UPRT: variants seen among roughly 807,000 people sequenced by gnomAD.
UPRT encodes the protein uracil phosphoribosyltransferase homolog.
Under a neutral mutation model 22.6 loss-of-function variants are expected in UPRT, and 5 were observed. The ratio of observed to expected loss-of-function variants is 0.22; its 90% CI spans 0.12 to 0.47. The LOEUF (loss-of-function observed/expected upper bound fraction) is 0.47, where lower values mean the gene tolerates loss of function less well. Among genes scored for constraint, UPRT ranks in the 20% least tolerant of loss-of-function variants. UPRT has a pLI of 0.99. For missense variants in UPRT, 181 were observed against 239.9 expected (o/e 0.75, Z 1.62); for synonymous variants, 77 against 87.7 (o/e 0.88, Z 0.68).
chrX:75,200,606 ATTC>A (rs1352163804), intron 4 of UPRT, among the ~76,000 whole-genome samples: 1 of 111,696 alleles, frequency 9.0e-6, no homozygotes, highest in Non-Finnish European at 1.9e-5. Flanking sequence ...AAAGAAAATT[ATTC>A]TTTATAAACA....
At chrX:75,217,545 T>G (rs1304624880) in intron 4 of UPRT, among the ~76,000 whole-genome samples, 2 of 111,949 alleles carry the variant, frequency 1.8e-5, no homozygotes, top group East Asian at 2.8e-4. Flanking sequence ...AGATTCCTAG[T>G]TATTTTATTC....
chrX:75,188,828 A>G (rs1484209937), intron 4 of UPRT, among the ~76,000 whole-genome samples: 4 of 111,200 alleles, frequency 3.6e-5, no homozygotes, highest in Admixed American at 9.5e-5. Context: ...AGGAAAGGGA[A>G]CTCCCTGACC....
intron 4 of UPRT, among the ~76,000 whole-genome samples, chrX:75,247,576 C>T (rs1192930250): frequency 5.3e-5 from 6 of 112,322 alleles, no homozygotes; most frequent in South Asian, 3.7e-4. Context: ...TAAACAAAGC[C>T]GCCAAGCTCG....
exon 2 of UPRT, among the ~76,000 whole-genome samples, chrX:75,160,570 C>T (rs2082196135): frequency 8.9e-6 from 1 of 112,052 alleles, no homozygotes; most frequent in South Asian, 3.7e-4. Context: ...TCGCTCTTGT[C>T]ACTCAGGCTG....
At chrX:75,250,433 C>A (rs946681904) in intron 4 of UPRT, among the ~76,000 whole-genome samples, 1 of 111,513 alleles carries the variant, frequency 9.0e-6, no homozygotes, top group Non-Finnish European at 1.9e-5. Context: ...CTATAAACAC[C>A]TCTATGCAAA....
intron 4 of UPRT, among the ~76,000 whole-genome samples, chrX:75,234,382 C>A (rs1470937110): frequency 9.0e-6 from 1 of 110,948 alleles, no homozygotes; most frequent in Non-Finnish European, 1.9e-5. Flanking sequence ...ATCAATGAGA[C>A]AGAAAGTCAA....
intron 4 of UPRT, among the ~76,000 whole-genome samples, chrX:75,212,209 A>G (rs1393131334): frequency 8.9e-6 from 1 of 112,497 alleles, no homozygotes; most frequent in Non-Finnish European, 1.9e-5. Flanking sequence ...AGAACTCTTT[A>G]TCCAAAAACC....
At chrX:75,255,307 G>C (rs1389428053) in intron 4 of UPRT, among the ~76,000 whole-genome samples, 1 of 111,606 alleles carries the variant, frequency 9.0e-6, no homozygotes, top group East Asian at 2.8e-4. Context: ...AATAAATGCT[G>C]AGAGAATTCA....
intron 4 of UPRT, chrX:75,202,711 T>A (rs1331280750): frequency 8.9e-6 from 1 of 111,794 alleles, no homozygotes; most frequent in Non-Finnish European, 1.9e-5. Flanking sequence ...AAGTGGTCAC[T>A]TTGGCAGCAC....
chrX:75,166,924 C>A (rs750228428), intron 3 of UPRT, among the ~76,000 whole-genome samples: 1 of 112,102 alleles, frequency 8.9e-6, no homozygotes, highest in Non-Finnish European at 1.9e-5. Flanking sequence ...ATGTAGTATT[C>A]CATTGCATGA....
intron 4 of UPRT, among the ~76,000 whole-genome samples, chrX:75,203,023 G>C (rs2082351423): frequency 9.0e-6 from 1 of 111,508 alleles, no homozygotes; most frequent in East Asian, 2.8e-4. Context: ...AAAAAGTCAA[G>C]ACCCATCAGT....
At chrX:75,247,555 G>T (rs1602471941) in intron 4 of UPRT, among the ~76,000 whole-genome samples, 1 of 112,273 alleles carries the variant, frequency 8.9e-6, no homozygotes, top group African/African-American at 3.2e-5. Flanking sequence ...TATTGCCGAG[G>T]CTTGACTAGG....
At chrX:75,191,402 C>T (rs1379955898) in intron 4 of UPRT, among the ~76,000 whole-genome samples, 1 of 111,883 alleles carries the variant, frequency 8.9e-6, no homozygotes, top group African/African-American at 3.2e-5. Context: ...GGGGTGCTTC[C>T]CAGTTAGGCT....
At chrX:75,225,769 T>C (rs1569269006) in intron 4 of UPRT, among the ~76,000 whole-genome samples, 1 of 111,847 alleles carries the variant, frequency 8.9e-6, no homozygotes, top group Non-Finnish European at 1.9e-5. Flanking sequence ...CAGAGGTCTT[T>C]GAACCTCTTC....
chrX:75,222,133 G>A (rs1374090564), intron 4 of UPRT, among the ~76,000 whole-genome samples: 1 of 112,008 alleles, frequency 8.9e-6, no homozygotes, highest in Admixed American at 9.4e-5. Flanking sequence ...GAATTTTCTG[G>A]TTTACCAGGC....
rs925479096 is a variant in UPRT, at chrX:75,182,827, T to C, written c.-447+14948T>C. Among the ~76,000 whole-genome samples the C allele has an allele frequency of 3.6e-5, 4 of 110,544 alleles. No homozygotes were observed. The South Asian group carries it at 1.2e-3, about 32-fold the overall frequency. ...GATTCATTGATATTTTGTATGGCTTTAAACACCTCAATTTCCTTCAGTTTA... is the reference window on the plus strand; with the variant it reads ...GATTCATTGATATTTTGTATGGCTTCAAACACCTCAATTTCCTTCAGTTTA... On this transcript the variant is annotated intron_variant, in intron 4 of 13. Transcript: ENST00000652605.
At chrX:75,247,825 G>C (rs2082512358) in intron 4 of UPRT, among the ~76,000 whole-genome samples, 1 of 112,080 alleles carries the variant, frequency 8.9e-6, no homozygotes, top group African/African-American at 3.2e-5. Context: ...GCACCCCTCA[G>C]TATGGGCAGA....
At chrX:75,259,605 C>T (rs1422439515) in intron 4 of UPRT, among the ~76,000 whole-genome samples, 5 of 110,159 alleles carry the variant, frequency 4.5e-5, no homozygotes. Flanking sequence ...AAATATGGCA[C>T]TATGTGAAAA....
intron 4 of UPRT, among the ~76,000 whole-genome samples, chrX:75,254,863 C>G (rs1003174448): frequency 9.5e-6 from 1 of 105,399 alleles, no homozygotes. Context: ...GCAAGCTCCG[C>G]TTCCCGGGTT....
Sources: allele counts gnomAD v4.1 joint callset (sites outside exome capture counted in the v4.1 genomes callset), GRCh38; gene constraint gnomAD v4.1.1; transcripts MANE v1.5; gene names NCBI Gene and HGNC (gene_info 2026-07-23, HGNC 2026-07-21).